The following ATP6V1H variants were observed in gnomAD, a reference collection of about 807,000 sequenced individuals.
The protein encoded by ATP6V1H is V-type proton ATPase subunit H.
A neutral mutation model predicts 71.7 loss-of-function variants in ATP6V1H; 39 were observed. The observed-to-expected ratio is 0.54, with a 90% confidence interval of 0.42 to 0.71. The LOEUF (loss-of-function observed/expected upper bound fraction) is 0.71, where lower values mean the gene tolerates loss of function less well. ATP6V1H is among the 30% of genes least tolerant of loss of function. The pLI is 0.00. For synonymous variants in ATP6V1H, 192 were observed against 199.3 expected, an observed-to-expected ratio of 0.96 and a Z score of 0.31; for missense variants, 509 against 594.9, an observed-to-expected ratio of 0.86 and a Z score of 1.50.
chr8:53,777,405 T>C (rs890331492), intron 9 of ATP6V1H, among the ~76,000 whole-genome samples: 7 of 150,954 alleles, frequency 4.6e-5, no homozygotes, highest in Admixed American at 2.0e-4. Context: ...ATGATTTTGC[T>C]GAGAGAGAGC....
intron 9 of ATP6V1H, among the ~76,000 whole-genome samples, chr8:53,779,794 GCT>G (rs1294697718): frequency 6.6e-6 from 1 of 151,940 alleles, no homozygotes; most frequent in Admixed American, 6.6e-5. Context: ...ACATATCAAA[GCT>G]CTTTTGTTTA....
chr8:53,723,759 C>T (rs745828783), intron 13 of ATP6V1H, among the ~76,000 whole-genome samples: 1 of 152,220 alleles, frequency 6.6e-6, no homozygotes, highest in Non-Finnish European at 1.5e-5. Context: ...CTGCTCTCCA[C>T]GTGGTCACGT....
intron 2 of ATP6V1H, among the ~76,000 whole-genome samples, chr8:53,837,583 T>G (rs953475260): frequency 2.0e-5 from 3 of 151,400 alleles, no homozygotes; most frequent in Non-Finnish European, 2.9e-5. Context: ...CCAAAGAATC[T>G]AAGGGTGGAA....
chr8:53,797,317 C>T (rs981277267), intron 8 of ATP6V1H, among the ~76,000 whole-genome samples: 2 of 152,228 alleles, frequency 1.3e-5, no homozygotes, highest in African/African-American at 4.8e-5. Context: ...ACCCCAGTAA[C>T]ACTCCTTCAA....
chr8:53,821,387 A>G lies in ATP6V1H; in HGVS notation c.307-3857T>C, dbSNP rs527996350. 6.4e-3 allele frequency among the ~76,000 whole-genome samples: 965 copies of G among 150,626 alleles called. 1 individual carries two copies. The highest frequency in any genetic ancestry group is 0.015 in the South Asian group (69 of 4,740). On this transcript the variant is annotated intron_variant, in intron 4 of 13. Transcript: ENST00000359530. Reference sequence around the variant, plus strand: ...GACTCCATCTCAAAAAAAAAAAAAAAAGAGAGAGAGAGAGTCCAGGTGCGA... The same window carrying G: ...GACTCCATCTCAAAAAAAAAAAAAAGAGAGAGAGAGAGAGTCCAGGTGCGA...
At chr8:53,831,351 TAGTA>T (rs1186900829) in intron 3 of ATP6V1H, among the ~76,000 whole-genome samples, 1 of 152,186 alleles carries the variant, frequency 6.6e-6, no homozygotes, top group Non-Finnish European at 1.5e-5. Flanking sequence ...TGTAACACAA[TAGTA>T]AGTATGTGTG....
Position 53,801,852 on chromosome 8 carries a change from C to T in ATP6V1H, c.624G>A (p.Met208Ile). 1 of 1,614,062 alleles carries T rather than the reference C, an allele frequency of 6.2e-7. No individual in the cohort carries two copies. Among genetic ancestry groups the T allele is most frequent in the Non-Finnish European group, 8.5e-7 (1 of 1,179,988 alleles). Residue 208 changes from methionine (M) to isoleucine (I), a missense_variant, in exon 8 of 14, where the codon ATG becomes ATA. Coordinates refer to ENST00000359530, the MANE Select transcript of ATP6V1H (RefSeq NM_015941.4). The stretch of plus-strand genomic sequence containing the variant: ...CAAAGCGGTACTCATTGACCCGGAG[C>T]ATCAGCTGCAAACACCCGGCCACGC... Reference protein sequence around the residue: ...VQCVAGCLQLMLRVNEYRFAW... With the variant: ...VQCVAGCLQLILRVNEYRFAW...
At chr8:53,782,021 C>A (rs1326139921) in intron 9 of ATP6V1H, among the ~76,000 whole-genome samples, 1 of 152,172 alleles carries the variant, frequency 6.6e-6, no homozygotes, top group Non-Finnish European at 1.5e-5. Context: ...CTTGGCAATG[C>A]AGGATCTTTT....
intron 12 of ATP6V1H, among the ~76,000 whole-genome samples, chr8:53,749,311 A>G (rs182985262): frequency 1.3e-5 from 2 of 152,256 alleles, no homozygotes; most frequent in Admixed American, 6.5e-5. Context: ...ACCCTGCCTG[A>G]TAATTCTCCA....
intron 11 of ATP6V1H, among the ~76,000 whole-genome samples, chr8:53,767,589 A>C (rs1406685956): frequency 2.0e-5 from 3 of 152,226 alleles, no homozygotes; most frequent in Non-Finnish European, 4.4e-5. Flanking sequence ...ACTATAAAGC[A>C]ACAGCAATCA....
chr8:53,783,973 A>G (rs530013042), intron 9 of ATP6V1H, among the ~76,000 whole-genome samples: 64 of 152,298 alleles, frequency 4.2e-4, no homozygotes, highest in African/African-American at 1.5e-3. Flanking sequence ...TATGTGGTCA[A>G]TTTTGGAATA....
intron 4 of ATP6V1H, among the ~76,000 whole-genome samples, chr8:53,818,999 A>C (rs1810543327): frequency 6.6e-6 from 1 of 152,070 alleles, no homozygotes; most frequent in African/African-American, 2.4e-5. Context: ...TGAGCCCAGG[A>C]GTTCAAGACC....
intron 8 of ATP6V1H, among the ~76,000 whole-genome samples, chr8:53,800,562 G>A (rs776448258): frequency 1.3e-5 from 2 of 152,042 alleles, no homozygotes; most frequent in Admixed American, 6.6e-5. Flanking sequence ...TCAAACTCAG[G>A]AACTGATAAA....
At chr8:53,798,603 T>C (rs1337854005) in intron 8 of ATP6V1H, among the ~76,000 whole-genome samples, 1 of 107,906 alleles carries the variant, frequency 9.3e-6, no homozygotes, top group Non-Finnish European at 1.9e-5. Flanking sequence ...CTATTTGCAA[T>C]GTGAGAAACA....
intron 13 of ATP6V1H, among the ~76,000 whole-genome samples, chr8:53,735,592 T>C (rs1807175559): frequency 6.6e-6 from 1 of 152,086 alleles, no homozygotes. Flanking sequence ...TTTTGTTCAG[T>C]CGGCCACCCC....
At chr8:53,805,262 T>C (rs936551381) in intron 7 of ATP6V1H, among the ~76,000 whole-genome samples, 20 of 152,180 alleles carry the variant, frequency 1.3e-4, no homozygotes, top group Admixed American at 5.2e-4. Flanking sequence ...GTTCCACAGA[T>C]TCATGGTGAA....
At chr8:53,830,560 A>G (rs1050126873) in intron 3 of ATP6V1H, among the ~76,000 whole-genome samples, 51 of 152,170 alleles carry the variant, frequency 3.4e-4, no homozygotes. Context: ...AAAATTAAAA[A>G]AAAAAAGATA....
rs1490193510 is a variant in ATP6V1H, at chr8:53,771,891, T to C, written c.1049+98A>G. The C allele has an allele frequency of 3.7e-6, 4 of 1,080,440 alleles. No homozygotes were observed. The African/African-American group carries it at 6.3e-5, about 17-fold the overall frequency. The allele number at this position is 1,080,440 out of a possible 1,614,324, so 66.9% of individuals were successfully genotyped here. ...CGTATTTTAGTGGACTCTCTTGATT[T>C]GTATAGGTGACAACAAATTCAGGTT... On this transcript the variant is annotated intron_variant, in intron 10 of 13. Coordinates refer to ENST00000359530, the MANE Select transcript of ATP6V1H (RefSeq NM_015941.4).
intron 4 of ATP6V1H, among the ~76,000 whole-genome samples, chr8:53,817,999 A>G (rs1232983072): frequency 1.3e-5 from 2 of 152,220 alleles, no homozygotes; most frequent in Non-Finnish European, 2.9e-5. Flanking sequence ...GTTACTTCTT[A>G]GCATATCATG....
Sources: gnomAD v4.1 joint callset for allele counts (sites outside exome capture counted in the v4.1 genomes callset) on GRCh38, gnomAD v4.1.1 for gene constraint, MANE v1.5 for transcripts, NCBI Gene and HGNC (gene_info 2026-07-23, HGNC 2026-07-21) for gene names.